Variants in CCDC110 observed in about 807,000 individuals in gnomAD.
The protein encoded by CCDC110 is coiled-coil domain-containing protein 110.
In CCDC110, 70 loss-of-function variants were observed where a neutral mutation model predicts 77.1. That is an observed-to-expected ratio of 0.91 (90% CI 0.75 to 1.11). CCDC110 has a LOEUF of 1.11. Among genes scored for constraint, CCDC110 ranks in the 50% least tolerant of loss-of-function variants. The probability of loss-of-function intolerance (pLI) is 0.00; values close to 1 mark genes in which losing one functional copy is unlikely to be tolerated. For missense variants in CCDC110, 868 were observed against 942.9 expected (o/e 0.92, Z 1.04); for synonymous variants, 295 against 312.5 (o/e 0.94, Z 0.59).
At chr4:185,453,641 A>G (rs2153319028) in intron 6 of CCDC110, among the ~76,000 whole-genome samples, 2 of 143,908 alleles carry the variant, frequency 1.4e-5, no homozygotes, top group South Asian at 4.4e-4. Flanking sequence ...TCAACCTCCC[A>G]GGCTCAAGCA....
At chr4:185,457,774 A>G in intron 6 of CCDC110, 1 of 1,435,362 alleles carries the variant, frequency 7.0e-7, no homozygotes. Context: ...GTTTATTTAT[A>G]TATCTTGGAT....
intron 6 of CCDC110, 60 bp downstream of exon 6, chr4:185,458,066 T>C: frequency 8.6e-7 from 1 of 1,161,740 alleles, no homozygotes; most frequent in Non-Finnish European, 1.2e-6. Flanking sequence ...TACTCTGTAG[T>C]GCCCAATAGG....
chr4:185,471,503 G>A, intron 1 of CCDC110, 171 bp downstream of exon 1: 2 of 651,990 alleles, frequency 3.1e-6, no homozygotes, highest in Non-Finnish European at 5.0e-6. Context: ...CGGACGCAGG[G>A]GGCCGCAGCG....
chr4:185,465,777 G>A (rs989410396), intron 2 of CCDC110, among the ~76,000 whole-genome samples: 2 of 152,206 alleles, frequency 1.3e-5, no homozygotes, highest in Non-Finnish European at 2.9e-5. Flanking sequence ...TGGTGGTGGG[G>A]GAGGTGGGGA....
chr4:185,451,508 A>T (rs1234722498), intron 6 of CCDC110, among the ~76,000 whole-genome samples: 2 of 152,242 alleles, frequency 1.3e-5, no homozygotes, highest in Non-Finnish European at 2.9e-5. Flanking sequence ...TGCCTGCTTC[A>T]TAACTAACAC....
chr4:185,451,595 A>C (rs1419201296), intron 6 of CCDC110, among the ~76,000 whole-genome samples: 1 of 152,252 alleles, frequency 6.6e-6, no homozygotes, highest in Non-Finnish European at 1.5e-5. Flanking sequence ...ATTTGTCTTC[A>C]GAATAGGAAT....
intron 6 of CCDC110, among the ~76,000 whole-genome samples, chr4:185,453,652 A>G (rs569917679): frequency 2.6e-5 from 4 of 151,038 alleles, no homozygotes; most frequent in African/African-American, 9.7e-5. Flanking sequence ...GGCTCAAGCA[A>G]TCCTGCCACA....
chr4:185,445,412 T>G lies in CCDC110; in HGVS notation c.*90A>C. On this transcript the variant is annotated 3_prime_UTR_variant, in exon 7 of 7. Transcript: ENST00000307588. The stretch of plus-strand genomic sequence containing the variant: ...ATATAGCGCCTCATTATGAGTCATT[T>G]GAGATGAGTTAGATATGCATAGTTC... 1 of 942,216 alleles carries G rather than the reference T, an allele frequency of 1.1e-6. No individual in the cohort carries two copies. The highest frequency in any genetic ancestry group is 1.7e-6 in the Non-Finnish European group (1 of 603,782). 58.4% of individuals were successfully genotyped at this position (942,216 alleles called of 1,614,324 possible). A position where few individuals can be genotyped will look rare whatever the true frequency, so the allele number is the denominator to read the frequency against.
intron 6 of CCDC110, chr4:185,457,695 C>T (rs1386684291): frequency 1.1e-5 from 11 of 972,258 alleles, no homozygotes; most frequent in Non-Finnish European, 1.4e-6. Context: ...AATGTAATCA[C>T]ATAATTTAAA....
intron 1 of CCDC110, 118 bp downstream of exon 1, chr4:185,471,556 C>T (rs1293652416): frequency 6.9e-6 from 8 of 1,164,944 alleles, no homozygotes; most frequent in Non-Finnish European, 9.8e-6. Context: ...GCGGCGAGTG[C>T]AGAAGGGCGG....
chr4:185,459,633 T>C lies in CCDC110; in HGVS notation c.954A>G (p.Leu318=), dbSNP rs748699973. 1.9e-6 allele frequency: 3 copies of C among 1,612,082 alleles called. No individual in the cohort carries two copies. In the South Asian group the frequency reaches 3.3e-5, roughly 18 times the overall value. ...CCCTGAAGGGGAGTAATTTCTTCAC[T>C]AATGCCTCTAATTCTGAAATTCTCT... ...KSKRISELEA[L]VKKLLPFRET... is the part of the protein sequence containing the mutation. The change falls in exon 6 of 7, where the codon TTA becomes TTG. Residue 318 remains leucine (L), a synonymous_variant. Coordinates refer to ENST00000307588, the MANE Select transcript of CCDC110 (RefSeq NM_152775.4).
chr4:185,468,453 A>G lies in CCDC110; in HGVS notation c.115+2492T>C, dbSNP rs917673279. ...TCTCAAAATTCTCCAGTGCTTCTCA[A>G]TTTTCTCAGAATAAATCCCAAATTC... is the stretch of plus-strand genomic sequence containing the variant. On this transcript the variant is annotated intron_variant, in intron 2 of 6. Transcript: ENST00000307588. This position sits in a 1 kb window ranked among gnomAD's most constrained non-coding sequence, Gnocchi z 4.5. Among the ~76,000 whole-genome samples, 1 of 152,144 alleles carries G rather than the reference A, an allele frequency of 6.6e-6. No homozygotes were observed. Among genetic ancestry groups the G allele is most frequent in the African/African-American group, 2.4e-5 (1 of 41,440 alleles).
chr4:185,454,645 C>T (rs567870893), intron 6 of CCDC110, among the ~76,000 whole-genome samples: 75 of 151,970 alleles, frequency 4.9e-4, no homozygotes, highest in African/African-American at 1.8e-3. Flanking sequence ...ACCTGGGAGG[C>T]GGAGGTTGCA....
chr4:185,459,618 G>A lies in CCDC110; in HGVS notation c.969C>T (p.Leu323=). Reference sequence around the variant, plus strand: ...ATTTTGACACAGTTTCCCTGAAGGGGAGTAATTTCTTCACTAATGCCTCTA... The same window carrying A: ...ATTTTGACACAGTTTCCCTGAAGGGAAGTAATTTCTTCACTAATGCCTCTA... The part of the protein sequence containing the change: ...SELEALVKKL[L]PFRETVSKFH... The change falls in exon 6 of 7, where the codon CTC becomes CTT. Residue 323 remains leucine, a synonymous_variant. Coordinates refer to ENST00000307588, the MANE Select transcript of CCDC110 (RefSeq NM_152775.4). 1 of 1,612,476 alleles carries A rather than the reference G, an allele frequency of 6.2e-7. No homozygotes were observed. Among genetic ancestry groups the A allele is most frequent in the South Asian group, 1.1e-5 (1 of 90,672 alleles).
chr4:185,446,911 GTCTT>G (rs773731027), intron 6 of CCDC110, among the ~76,000 whole-genome samples: 17 of 152,046 alleles, frequency 1.1e-4, no homozygotes, highest in African/African-American at 1.9e-4. Context: ...CTTTCCTGTT[GTCTT>G]TCTTGTTATT....
intron 6 of CCDC110, among the ~76,000 whole-genome samples, chr4:185,450,704 A>G (rs1000028038): frequency 6.7e-6 from 1 of 148,964 alleles, no homozygotes; most frequent in Non-Finnish European, 1.5e-5. Flanking sequence ...AGATCATGCC[A>G]CTGCACTCCA....
chr4:185,467,467 T>C (rs1227580125), intron 2 of CCDC110, among the ~76,000 whole-genome samples: 2 of 152,162 alleles, frequency 1.3e-5, no homozygotes, highest in Non-Finnish European at 2.9e-5. Context: ...CACTTCACCA[T>C]TTACCAAGTC....
chr4:185,471,713 G>T lies in CCDC110; in HGVS notation c.-30C>A. The T allele has an allele frequency of 6.5e-7, 1 of 1,532,178 alleles. No individual in the cohort carries two copies. The allele number at this position is 1,532,178 out of a possible 1,614,324, so 94.9% of individuals were successfully genotyped here. Reference sequence around the variant, plus strand: ...GCGGCTCATCTCTCTCGCAACCGCCGCCGCACGCACCCGCTCCGCCGCCCC... The same window carrying T: ...GCGGCTCATCTCTCTCGCAACCGCCTCCGCACGCACCCGCTCCGCCGCCCC... On this transcript the variant is annotated 5_prime_UTR_variant, in exon 1 of 7. Transcript: ENST00000307588.
Position 185,460,147 on chromosome 4 carries a change from C to T in CCDC110, c.440G>A (p.Ser147Asn). ...KTLHSVEEKL[S>N]GDSVNSLPQS... is the part of the protein sequence containing the mutation. Reference sequence around the variant, plus strand: ...AGGGAGACTGTTCACACTATCACCACTTAATTTTTCTTCCACTGAATGAAG... The same window carrying T: ...AGGGAGACTGTTCACACTATCACCATTTAATTTTTCTTCCACTGAATGAAG... The change falls in exon 6 of 7, where the codon AGT (serine) becomes AAT (asparagine). Residue 147 changes from serine (S) to asparagine (N), a missense_variant. Transcript: ENST00000307588. 6.2e-7 allele frequency: 1 copy of T among 1,613,146 alleles called. No homozygotes were observed. Among genetic ancestry groups the T allele is most frequent in the Non-Finnish European group, 8.5e-7 (1 of 1,179,884 alleles).
Sources: allele counts gnomAD v4.1 joint callset (sites outside exome capture counted in the v4.1 genomes callset), GRCh38; gene constraint gnomAD v4.1.1; non-coding constraint Gnocchi (gnomAD v3.1); transcripts MANE v1.5; gene names NCBI Gene and HGNC (gene_info 2026-07-23, HGNC 2026-07-21).